The following MAGI2 variants were observed in gnomAD, a reference collection of about 807,000 sequenced individuals.
MAGI2 encodes membrane associated guanylate kinase, WW and PDZ domain containing 2, also known as membrane-associated guanylate kinase, WW and PDZ domain-containing protein 2.
MAGI2 carries 35 observed loss-of-function variants against 133.3 expected under a neutral mutation model. That is an observed-to-expected ratio of 0.26 (90% CI 0.20 to 0.35). The LOEUF (loss-of-function observed/expected upper bound fraction) is 0.35, where lower values mean the gene tolerates loss of function less well. Among genes scored for constraint, MAGI2 ranks in the 10% least tolerant of loss-of-function variants. MAGI2 has a pLI of 1.00. For synonymous variants in MAGI2, 729 were observed against 710.6 expected, an observed-to-expected ratio of 1.03 and a Z score of -0.41; for missense variants, 1,636 against 1,863.4, an observed-to-expected ratio of 0.88 and a Z score of 2.25.
chr7:78,410,230 C>T (rs965541234), intron 6 of MAGI2, among the ~76,000 whole-genome samples: 4 of 151,884 alleles, frequency 2.6e-5, no homozygotes, highest in African/African-American at 7.3e-5. Flanking sequence ...AAATAGTTGG[C>T]GAAGACTTTA....
chr7:78,938,504 A>G (rs1800706656), intron 2 of MAGI2, among the ~76,000 whole-genome samples: 1 of 152,094 alleles, frequency 6.6e-6, no homozygotes, highest in African/African-American at 2.4e-5. Flanking sequence ...ATTTTCTGGT[A>G]TCACCAGAAA....
At chr7:78,485,223 T>A (rs976598296) in intron 6 of MAGI2, 6 of 151,946 alleles carry the variant, frequency 3.9e-5, no homozygotes, top group Admixed American at 1.3e-4. Context: ...TGTGGCATTT[T>A]AAAAAAGACT....
At position 78,166,516 on chromosome 7, in the gene MAGI2, C is replaced by CT. The variant is rs1306081096; in HGVS notation, c.2596+1399dup. On this transcript the variant is annotated intron_variant, in intron 15 of 21. Transcript: ENST00000354212. ...GAATTTCTGAAGACAAATGGCACCT[C>CT]TTAGCAAAACCTCTATAAGATACAA... 2.6e-5 allele frequency among the ~76,000 whole-genome samples: 4 copies of CT among 152,326 alleles called. No homozygotes were observed. The East Asian group carries it at 7.7e-4, about 29-fold the overall frequency.
At chr7:78,936,164 A>C (rs55808743) in intron 2 of MAGI2, among the ~76,000 whole-genome samples, 4,193 of 152,200 alleles carry the variant, frequency 0.028, 170 homozygotes, top group African/African-American at 0.088. Flanking sequence ...AGGAAAATGA[A>C]AACAAAGCAA....
At chr7:78,881,357 T>C (rs568806047) in intron 2 of MAGI2, among the ~76,000 whole-genome samples, 30 of 143,114 alleles carry the variant, frequency 2.1e-4, no homozygotes, top group Admixed American at 7.0e-4. Flanking sequence ...AAAAATCGAC[T>C]CATAGATGAG....
At chr7:79,313,338 T>A (rs1194734443) in intron 1 of MAGI2, among the ~76,000 whole-genome samples, 1 of 152,164 alleles carries the variant, frequency 6.6e-6, no homozygotes, top group Non-Finnish European at 1.5e-5. Flanking sequence ...CTGCAGGCTC[T>A]CTCCTTGTTC....
intron 2 of MAGI2, among the ~76,000 whole-genome samples, chr7:78,671,171 G>A (rs1236824829): frequency 6.6e-6 from 1 of 151,918 alleles, no homozygotes; most frequent in Non-Finnish European, 1.5e-5. Flanking sequence ...ATTTGGTTAT[G>A]TTGACCCTCA....
intron 2 of MAGI2, among the ~76,000 whole-genome samples, chr7:78,730,726 T>C (rs371720883): frequency 6.6e-6 from 1 of 152,144 alleles, no homozygotes; most frequent in African/African-American, 2.4e-5. Flanking sequence ...ATATTTATTA[T>C]ATAGTGGTCT....
At chr7:78,124,236 A>C (rs999239724) in intron 20 of MAGI2, among the ~76,000 whole-genome samples, 7 of 152,330 alleles carry the variant, frequency 4.6e-5, no homozygotes, top group East Asian at 3.9e-4. Context: ...AGGTTAAGAA[A>C]GTGTCCTTCT....
At chr7:78,648,625 C>G (rs1164302545) in intron 2 of MAGI2, among the ~76,000 whole-genome samples, 1 of 152,162 alleles carries the variant, frequency 6.6e-6, no homozygotes, top group Non-Finnish European at 1.5e-5. Flanking sequence ...TGAATTAAAT[C>G]AGAATTTGGG....
chr7:78,343,998 T>C (rs1232833949), intron 8 of MAGI2, 38 bp from the exon 9 acceptor site: 2 of 1,578,326 alleles, frequency 1.3e-6, no homozygotes, highest in African/African-American at 2.7e-5. Context: ...GAAAAAGGCA[T>C]GTTCAAGTCA....
intron 1 of MAGI2, chr7:79,413,948 G>A (rs542953013): frequency 6.6e-6 from 1 of 152,054 alleles, no homozygotes; most frequent in Non-Finnish European, 1.5e-5. Flanking sequence ...TGATACAAAG[G>A]CTATAAAATA....
chr7:79,021,037 A>G (rs1809276833), intron 1 of MAGI2, among the ~76,000 whole-genome samples: 2 of 152,236 alleles, frequency 1.3e-5, no homozygotes, highest in South Asian at 4.1e-4. Context: ...ATTGCTTCAC[A>G]GTGTGCATGC....
intron 3 of MAGI2, among the ~76,000 whole-genome samples, chr7:78,548,634 G>A (rs1479325984): frequency 6.6e-6 from 1 of 152,198 alleles, no homozygotes; most frequent in Non-Finnish European, 1.5e-5. Context: ...GGTGGAGGTT[G>A]TAGTGAGCTG....
chr7:78,820,135 T>TCCAATGTCAGTAGC (rs1248176895), intron 2 of MAGI2, among the ~76,000 whole-genome samples: 1 of 152,006 alleles, frequency 6.6e-6, no homozygotes, highest in African/African-American at 2.4e-5. Flanking sequence ...GGAAGAACAG[T>TCCAATGTCAGTAGC]AACATCACTG....
At chr7:79,199,133 T>C (rs965890171) in intron 1 of MAGI2, among the ~76,000 whole-genome samples, 31 of 152,060 alleles carry the variant, frequency 2.0e-4, no homozygotes, top group Admixed American at 6.6e-4. Context: ...GATTATTACA[T>C]TGAAATACTA....
At chr7:78,914,595 C>T (rs1798646869) in intron 2 of MAGI2, among the ~76,000 whole-genome samples, 1 of 151,952 alleles carries the variant, frequency 6.6e-6, no homozygotes, top group Admixed American at 6.6e-5. Flanking sequence ...CAAATTGACA[C>T]CTGAAATTAA....
chr7:78,890,651 C>T (rs1391571088), intron 2 of MAGI2, among the ~76,000 whole-genome samples: 2 of 152,110 alleles, frequency 1.3e-5, no homozygotes, highest in Admixed American at 1.3e-4. Context: ...GAAATGAAGG[C>T]AGAAATAAAG....
chr7:78,767,169 T>G (rs1825114583), intron 2 of MAGI2, among the ~76,000 whole-genome samples: 1 of 151,942 alleles, frequency 6.6e-6, no homozygotes, highest in African/African-American at 2.4e-5. Context: ...GTTTTGTATT[T>G]TCAATAGAGA....
Sources: gnomAD v4.1 joint callset for allele counts (sites outside exome capture counted in the v4.1 genomes callset) on GRCh38, gnomAD v4.1.1 for gene constraint, MANE v1.5 for transcripts, NCBI Gene and HGNC (gene_info 2026-07-23, HGNC 2026-07-21) for gene names.